The following ALMS1 variants were observed in gnomAD, a reference collection of about 807,000 sequenced individuals.
The protein encoded by ALMS1 is ALMS1 centrosome and basal body associated protein.
A neutral mutation model predicts 352.2 loss-of-function variants in ALMS1; 271 were observed. The ratio of observed to expected loss-of-function variants is 0.77; its 90% CI spans 0.70 to 0.85. The LOEUF is 0.85. Among genes scored for constraint, ALMS1 ranks in the 40% least tolerant of loss-of-function variants. ALMS1 has a pLI of 0.00. For missense variants in ALMS1, 5,445 were observed against 4,870.7 expected (o/e 1.12, Z -3.51); for synonymous variants, 1,865 against 1,761.2 (o/e 1.06, Z -1.48).
intron 11 of ALMS1, among the ~76,000 whole-genome samples, chr2:73,533,272 C>T (rs1237951988): frequency 2.0e-5 from 3 of 152,202 alleles, no homozygotes; most frequent in African/African-American, 7.2e-5. Flanking sequence ...GCTCTGATTC[C>T]AGCACATCAC....
intron 8 of ALMS1, 120 bp downstream of exon 8, chr2:73,454,187 G>A: frequency 6.7e-7 from 1 of 1,485,652 alleles, no homozygotes; most frequent in Non-Finnish European, 8.9e-7. Context: ...GAAAAAAAAT[G>A]AAGTTAGATA....
intron 11 of ALMS1, among the ~76,000 whole-genome samples, chr2:73,525,818 A>G (rs1431413191): frequency 6.6e-6 from 1 of 152,034 alleles, no homozygotes. Flanking sequence ...GGTTGCCTGT[A>G]TATGTGGGAT....
At chr2:73,445,888 T>C (rs1009964714) in intron 7 of ALMS1, among the ~76,000 whole-genome samples, 1 of 152,144 alleles carries the variant, frequency 6.6e-6, no homozygotes, top group African/African-American at 2.4e-5. Flanking sequence ...TGTAGTAATA[T>C]TGTTAACACT....
chr2:73,385,770 C>T (rs1031557637), upstream of ALMS1: 14 of 591,748 alleles, frequency 2.4e-5, no homozygotes, highest in South Asian at 2.2e-4. Context: ...GCGGGCGGCA[C>T]TGCGCCTAAG....
At chr2:73,547,789 G>A (rs559333458) in intron 12 of ALMS1, among the ~76,000 whole-genome samples, 38 of 152,304 alleles carry the variant, frequency 2.5e-4, no homozygotes, top group African/African-American at 9.1e-4. Flanking sequence ...GAGCCATGGC[G>A]GGGCGGGTTA....
At chr2:73,578,046 T>C (rs1675089747) in intron 16 of ALMS1, among the ~76,000 whole-genome samples, 1 of 152,160 alleles carries the variant, frequency 6.6e-6, no homozygotes, top group Admixed American at 6.5e-5. Context: ...TTGCTTCATA[T>C]ATTTTAGGGC....
chr2:73,412,399 G>A (rs1160171154), intron 2 of ALMS1, among the ~76,000 whole-genome samples: 1 of 152,174 alleles, frequency 6.6e-6, no homozygotes, highest in African/African-American at 2.4e-5. Context: ...GTTGTTGCAT[G>A]TATCAATAAT....
intron 9 of ALMS1, among the ~76,000 whole-genome samples, chr2:73,488,539 G>A (rs114980562): frequency 0.014 from 2,158 of 152,242 alleles, 56 homozygotes; most frequent in African/African-American, 0.049. Context: ...AGGAGGGTGG[G>A]GTTCCTGCCC....
Position 73,572,380 on chromosome 2 carries a change from G to C in ALMS1, c.10503G>C (p.Leu3501Phe). ...ATCAAGATATTTGCCATGAATCTTTGGGAAAGAGTGTTTTCATGAGACATT... is the reference window on the plus strand; with the variant it reads ...ATCAAGATATTTGCCATGAATCTTTCGGAAAGAGTGTTTTCATGAGACATT... ...PSDQDICHES[L>F]GKSVFMRHSW... is the part of the protein sequence containing the mutation. The change falls in exon 16 of 23, where the codon TTG becomes TTC. Residue 3501 changes from leucine (L) to phenylalanine (F), a missense_variant. By Grantham distance (22) the Leu-to-Phe change is conservative. Coordinates refer to ENST00000613296, the MANE Select transcript of ALMS1 (RefSeq NM_001378454.1). 1.2e-6 allele frequency: 2 copies of C among 1,609,252 alleles called. No homozygotes were observed. Among genetic ancestry groups the C allele is most frequent in the Non-Finnish European group, 1.7e-6 (2 of 1,178,238 alleles).
chr2:73,526,363 T>C (rs1673790938), intron 11 of ALMS1, among the ~76,000 whole-genome samples: 1 of 152,116 alleles, frequency 6.6e-6, no homozygotes, highest in African/African-American at 2.4e-5. Context: ...TTCAGTGGAA[T>C]ACCCCACTGC....
intron 12 of ALMS1, among the ~76,000 whole-genome samples, chr2:73,542,565 A>T (rs1674210602): frequency 6.6e-6 from 1 of 152,172 alleles, no homozygotes; most frequent in Admixed American, 6.5e-5. Context: ...GAAAAGAGGA[A>T]CTCAAATTGT....
chr2:73,418,345 G>A (rs1253784506), intron 2 of ALMS1, among the ~76,000 whole-genome samples: 4 of 152,192 alleles, frequency 2.6e-5, no homozygotes, highest in African/African-American at 9.7e-5. Context: ...AAGAGCCAGG[G>A]ATCGTTTAGA....
At chr2:73,597,510 A>G (rs988325738) in intron 16 of ALMS1, among the ~76,000 whole-genome samples, 14 of 152,194 alleles carry the variant, frequency 9.2e-5, no homozygotes, top group Admixed American at 7.2e-4. Flanking sequence ...CAGAGAAGGT[A>G]TAATGTATTT....
intron 9 of ALMS1, among the ~76,000 whole-genome samples, chr2:73,467,092 T>G (rs773659984): frequency 4.2e-5 from 5 of 120,358 alleles, no homozygotes; most frequent in Non-Finnish European, 8.6e-5. Flanking sequence ...TAGGCAAAGG[T>G]TTCTTAAACA....
In ALMS1 at chr2:73,550,252, C is replaced by G. The variant is rs1389556610; in HGVS notation, c.9908-15C>G. On this transcript the variant is annotated splice_polypyrimidine_tract_variant and intron_variant, in intron 12 of 22. Transcript: ENST00000613296. ...CGCTATTTGTGTTTTGTATTACTTCCCCGTTTTTCTGTAGGATCCAATGAT... is the reference window on the plus strand; with the variant it reads ...CGCTATTTGTGTTTTGTATTACTTCGCCGTTTTTCTGTAGGATCCAATGAT... 1 of 1,613,746 alleles carries G rather than the reference C, an allele frequency of 6.2e-7. No individual in the cohort carries two copies. The highest frequency in any genetic ancestry group is 1.7e-5 in the Admixed American group (1 of 59,978).
Position 73,452,257 on chromosome 2 carries a change from G to A in ALMS1, c.5730G>A (p.Leu1910=). The A allele has an allele frequency of 6.2e-7, 1 of 1,614,046 alleles. No homozygotes were observed. Among genetic ancestry groups the A allele is most frequent in the Non-Finnish European group, 8.5e-7 (1 of 1,179,998 alleles). The change falls in exon 8 of 23, where the codon TTG becomes TTA. Residue 1910 remains leucine, a synonymous_variant. Coordinates refer to ENST00000613296, the MANE Select transcript of ALMS1 (RefSeq NM_001378454.1). ...CCAGTATTTTTCATCAGCAGGAGTT[G>A]CCAGATGTTACTGAAGAAGCTTTAA... ...EKASIFHQQE[L]PDVTEEALNV...
At chr2:73,521,040 T>G (rs942964743) in intron 11 of ALMS1, among the ~76,000 whole-genome samples, 19 of 152,132 alleles carry the variant, frequency 1.2e-4, no homozygotes, top group African/African-American at 4.6e-4. Context: ...TAAAGAAAAT[T>G]GTTTAGTTCA....
chr2:73,558,010 C>G (rs1020241153), intron 14 of ALMS1, among the ~76,000 whole-genome samples: 2 of 152,142 alleles, frequency 1.3e-5, no homozygotes, highest in Non-Finnish European at 2.9e-5. Flanking sequence ...GCCATCAGCC[C>G]ATATTGCAAC....
chr2:73,457,163 CCAA>C (rs1418666978), intron 9 of ALMS1: 2 of 152,102 alleles, frequency 1.3e-5, no homozygotes, highest in Non-Finnish European at 2.9e-5. Context: ...GCAAAACAAA[CCAA>C]ACAAAAACCA....
Sources: allele counts gnomAD v4.1 joint callset (sites outside exome capture counted in the v4.1 genomes callset), GRCh38; gene constraint gnomAD v4.1.1; transcripts MANE v1.5; gene names NCBI Gene and HGNC (gene_info 2026-07-23, HGNC 2026-07-21).